ANKS1B: variants seen among roughly 807,000 people sequenced by gnomAD.
ANKS1B encodes ankyrin repeat and sterile alpha motif domain containing 1B.
In ANKS1B, 36 loss-of-function variants were observed where a neutral mutation model predicts 148.3. The observed-to-expected ratio is 0.24, with a 90% CI of 0.19 to 0.32. ANKS1B has a LOEUF of 0.32. Among genes scored for constraint, ANKS1B ranks in the 10% least tolerant of loss-of-function variants. ANKS1B has a pLI of 1.00. For synonymous variants in ANKS1B, 542 were observed against 560.8 expected, an observed-to-expected ratio of 0.97 and a Z score of 0.47; for missense variants, 1,157 against 1,542.6, an observed-to-expected ratio of 0.75 and a Z score of 4.19.
intron 22 of ANKS1B, among the ~76,000 whole-genome samples, chr12:98,788,489 A>T (rs2098818396): frequency 6.6e-6 from 1 of 152,160 alleles, no homozygotes; most frequent in Non-Finnish European, 1.5e-5. Context: ...CCTTGCAAGG[A>T]CTTTTCTGGT....
chr12:99,705,672 G>A (rs539693270), intron 8 of ANKS1B, among the ~76,000 whole-genome samples: 1 of 152,002 alleles, frequency 6.6e-6, no homozygotes, highest in Non-Finnish European at 1.5e-5. Context: ...ACAAGAAAAG[G>A]CATGGCATAC....
At chr12:99,172,116 G>C (rs2077835979) in intron 14 of ANKS1B, among the ~76,000 whole-genome samples, 1 of 152,124 alleles carries the variant, frequency 6.6e-6, no homozygotes, top group Non-Finnish European at 1.5e-5. Flanking sequence ...TGGTGTTCCA[G>C]GCAGAGGGAA....
At chr12:99,579,975 T>A (rs2153227247) in intron 9 of ANKS1B, among the ~76,000 whole-genome samples, 1 of 152,148 alleles carries the variant, frequency 6.6e-6, no homozygotes, top group South Asian at 2.1e-4. Flanking sequence ...GAGGACTGGA[T>A]AAAGAAAATG....
intron 17 of ANKS1B, among the ~76,000 whole-genome samples, chr12:98,885,435 A>G (rs2099737399): frequency 6.6e-6 from 1 of 152,198 alleles, no homozygotes; most frequent in African/African-American, 2.4e-5. Flanking sequence ...AGAGAAAAAC[A>G]CATTCAGTGA....
rs907052587 is a variant in ANKS1B at position 99,984,899 on chromosome 12, G to A, written c.-662C>T. The stretch of plus-strand genomic sequence containing the variant: ...GCGGGGGGCGTGTGCGCGCGGGCAG[G>A]TGCGGCCCCTGGTGCGGCCCGAGTT... On this transcript the variant is annotated 5_prime_UTR_variant, in exon 1 of 27. Transcript: ENST00000683438. 3.3e-5 allele frequency among the ~76,000 whole-genome samples: 5 copies of A among 149,464 alleles called. No individual in the cohort carries two copies. Among genetic ancestry groups the A allele is most frequent in the African/African-American group, 1.2e-4 (5 of 41,142 alleles).
intron 14 of ANKS1B, among the ~76,000 whole-genome samples, chr12:99,178,428 C>G (rs898372784): frequency 5.9e-5 from 9 of 152,198 alleles, no homozygotes; most frequent in Non-Finnish European, 1.3e-4. Flanking sequence ...ATCCAATTAA[C>G]ACACATGCTT....
chr12:99,798,736 A>AC (rs2066571709), intron 4 of ANKS1B, among the ~76,000 whole-genome samples: 1 of 152,044 alleles, frequency 6.6e-6, no homozygotes, highest in Non-Finnish European at 1.5e-5. Context: ...TCAGAATACC[A>AC]TTGTTGCTAT....
intron 1 of ANKS1B, among the ~76,000 whole-genome samples, chr12:99,878,850 T>C (rs1295313823): frequency 6.6e-6 from 1 of 152,162 alleles, no homozygotes; most frequent in Non-Finnish European, 1.5e-5. Flanking sequence ...TATTTTATGG[T>C]TGCAAAATCT....
rs933997091 is a variant in ANKS1B, at chr12:98,735,697, A to G, written c.691-63T>C. The G allele has an allele frequency of 5.8e-6, 4 of 689,314 alleles. No homozygotes were observed. The African/African-American group carries it at 6.9e-5, about 12-fold the overall frequency. 42.7% of individuals were successfully genotyped at this position (689,314 alleles called of 1,614,324 possible). On this transcript the variant is annotated intron_variant, in intron 9 of 9. Transcript: ENST00000341752. ...TTGTTCATGCATTTGTTTAATAAAT[A>G]TTGAGATGTACCATGTGCCTGGCAT...
intron 17 of ANKS1B, among the ~76,000 whole-genome samples, chr12:98,895,822 T>A (rs2099763836): frequency 6.6e-6 from 1 of 152,218 alleles, no homozygotes; most frequent in African/African-American, 2.4e-5. Context: ...CCCCCAAAAA[T>A]TATGCCAATT....
At position 99,439,465 on chromosome 12, in the gene ANKS1B, A is replaced by G. The variant is rs903083949; in HGVS notation, c.1575+4208T>C. On this transcript the variant is annotated intron_variant, in intron 11 of 26. Transcript: ENST00000683438. ...TATAAAGAATTACTACAAATAAACA[A>G]TCACAAAGCTGAACACCCCTAAAAA... Among the ~76,000 whole-genome samples the G allele has an allele frequency of 2.6e-5, 4 of 151,582 alleles. No individual in the cohort carries two copies. The East Asian group carries it at 7.7e-4, about 29-fold the overall frequency.
At chr12:99,668,301 T>G (rs1382629892) in intron 8 of ANKS1B, among the ~76,000 whole-genome samples, 1 of 152,116 alleles carries the variant, frequency 6.6e-6, no homozygotes, top group Non-Finnish European at 1.5e-5. Context: ...ATTCTATTCA[T>G]TCTCCTGGAT....
intron 12 of ANKS1B, among the ~76,000 whole-genome samples, chr12:99,330,691 T>C (rs1011910729): frequency 5.9e-5 from 9 of 151,948 alleles, no homozygotes; most frequent in Non-Finnish European, 1.0e-4. Flanking sequence ...AATGCATAAT[T>C]AGATGTTTCC....
chr12:99,346,819 T>C (rs754155021), intron 12 of ANKS1B, among the ~76,000 whole-genome samples: 9 of 151,964 alleles, frequency 5.9e-5, no homozygotes, highest in Non-Finnish European at 1.5e-5. Context: ...CCTCCTGCTC[T>C]GGCCCTGTAA....
At chr12:99,319,268 TG>T (rs1274693068) in intron 12 of ANKS1B, among the ~76,000 whole-genome samples, 1 of 152,146 alleles carries the variant, frequency 6.6e-6, no homozygotes, top group Admixed American at 6.5e-5. Context: ...ATGTTGACAG[TG>T]GGGGGTTGTC....
chr12:98,824,496 A>G (rs1158968452), intron 19 of ANKS1B, among the ~76,000 whole-genome samples: 1 of 152,228 alleles, frequency 6.6e-6, no homozygotes, highest in Non-Finnish European at 1.5e-5. Flanking sequence ...CTGTCTATAT[A>G]GTGCTTTACA....
intron 12 of ANKS1B, among the ~76,000 whole-genome samples, chr12:99,340,095 G>C (rs1231503233): frequency 6.6e-6 from 1 of 151,712 alleles, no homozygotes; most frequent in Non-Finnish European, 1.5e-5. Flanking sequence ...TTTTATTTTT[G>C]TATTTCCTCA....
At chr12:99,982,942 CTG>C (rs2095726106) in intron 1 of ANKS1B, among the ~76,000 whole-genome samples, 1 of 152,188 alleles carries the variant, frequency 6.6e-6, no homozygotes, top group South Asian at 2.1e-4. Flanking sequence ...ATTAATTGCA[CTG>C]TCTGACCACC....
chr12:98,927,321 G>A (rs1236660959), intron 17 of ANKS1B, among the ~76,000 whole-genome samples: 3 of 152,108 alleles, frequency 2.0e-5, no homozygotes, highest in Non-Finnish European at 4.4e-5. Context: ...ATCACTAGCA[G>A]ATCTTGCTCC....
Sources: gnomAD v4.1 joint callset for allele counts (sites outside exome capture counted in the v4.1 genomes callset) on GRCh38, gnomAD v4.1.1 for gene constraint, MANE v1.5 for transcripts, NCBI Gene and HGNC (gene_info 2026-07-23, HGNC 2026-07-21) for gene names.